Variants in RBKS observed in about 807,000 individuals in gnomAD.
RBKS encodes the protein ribokinase.
In RBKS, 33 loss-of-function variants were observed where a neutral mutation model predicts 33.9. The observed-to-expected ratio is 0.97, with a 90% CI of 0.74 to 1.30. The LOEUF (loss-of-function observed/expected upper bound fraction) is 1.30. Ranked by LOEUF, RBKS falls within the 50% of genes most tolerant of loss-of-function variation. The pLI is 0.00. For missense variants in RBKS, 361 were observed against 392.6 expected, an observed-to-expected ratio of 0.92 and a Z score of 0.68; for synonymous variants, 125 against 143.0, an observed-to-expected ratio of 0.87 and a Z score of 0.90.
chr2:27,796,725 C>A (rs1211645351), intron 7 of RBKS, among the ~76,000 whole-genome samples: 2 of 151,912 alleles, frequency 1.3e-5, no homozygotes, highest in Non-Finnish European at 2.9e-5. Flanking sequence ...GAGCAGCTGG[C>A]GAGATGACCC....
chr2:27,789,547 T>C (rs910220683), intron 7 of RBKS, among the ~76,000 whole-genome samples: 16 of 151,784 alleles, frequency 1.1e-4, no homozygotes, highest in African/African-American at 3.6e-4. Context: ...TATAGATGTG[T>C]GCCACCACAC....
chr2:27,792,933 G>C (rs1677566547), intron 7 of RBKS, among the ~76,000 whole-genome samples: 1 of 152,092 alleles, frequency 6.6e-6, no homozygotes, highest in African/African-American at 2.4e-5. Context: ...TCCTATAAAA[G>C]GTCAGCATTC....
chr2:27,859,821 A>G (rs1190064512), intron 1 of RBKS, among the ~76,000 whole-genome samples: 1 of 152,238 alleles, frequency 6.6e-6, no homozygotes, highest in Non-Finnish European at 1.5e-5. Flanking sequence ...TTTTCCACAT[A>G]GGTTGTGATC....
chr2:27,801,949 G>GAAAAAA (rs1397935633), intron 7 of RBKS, among the ~76,000 whole-genome samples: 1 of 54,752 alleles, frequency 1.8e-5, no homozygotes. Flanking sequence ...GAGTAGCTGG[G>GAAAAAA]GAAAAAAAAA....
intron 1 of RBKS, 44 bp from the exon 2 acceptor site, chr2:27,858,615 G>A: frequency 6.4e-7 from 1 of 1,572,696 alleles, no homozygotes; most frequent in Non-Finnish European, 8.7e-7. Context: ...ATTGGTAACT[G>A]TAATCAATTT....
At chr2:27,825,301 G>A (rs889588463) in intron 7 of RBKS, among the ~76,000 whole-genome samples, 1 of 152,098 alleles carries the variant, frequency 6.6e-6, no homozygotes, top group African/African-American at 2.4e-5. Context: ...TCTAGAATTA[G>A]CATTTACATT....
chr2:27,843,289 C>A, intron 4 of RBKS, 58 bp from the exon 5 acceptor site: 1 of 1,344,366 alleles, frequency 7.4e-7, no homozygotes, highest in Non-Finnish European at 1.0e-6. Flanking sequence ...AAATGATATT[C>A]TGCAGTGTTA....
At chr2:27,822,730 A>C (rs1056083245) in intron 7 of RBKS, among the ~76,000 whole-genome samples, 4 of 149,440 alleles carry the variant, frequency 2.7e-5, no homozygotes, top group Non-Finnish European at 5.9e-5. Context: ...ACACTATAGG[A>C]CTCAAATGTG....
intron 1 of RBKS, among the ~76,000 whole-genome samples, chr2:27,862,274 A>C (rs1255771833): frequency 6.6e-6 from 1 of 152,154 alleles, no homozygotes; most frequent in Non-Finnish European, 1.5e-5. Context: ...AAAAGGAAAA[A>C]GATATAGGTA....
chr2:27,786,439 CTG>C (rs981893843), intron 7 of RBKS, among the ~76,000 whole-genome samples: 6 of 152,190 alleles, frequency 3.9e-5, no homozygotes, highest in African/African-American at 1.4e-4. Context: ...ACCTAACCCT[CTG>C]TTAGCTAGCA....
chr2:27,841,379 T>C (rs1229842930), intron 5 of RBKS, among the ~76,000 whole-genome samples: 1 of 152,190 alleles, frequency 6.6e-6, no homozygotes, highest in Non-Finnish European at 1.5e-5. Context: ...CTTTGATCTA[T>C]ACAAAGAAAG....
chr2:27,887,464 T>C (rs1286084583), intron 1 of RBKS, among the ~76,000 whole-genome samples: 2 of 152,208 alleles, frequency 1.3e-5, no homozygotes, highest in Non-Finnish European at 2.9e-5. Context: ...ATAACTAATA[T>C]AATCATGATA....
At chr2:27,874,434 G>A (rs1349850109) in intron 1 of RBKS, among the ~76,000 whole-genome samples, 1 of 152,182 alleles carries the variant, frequency 6.6e-6, no homozygotes, top group Non-Finnish European at 1.5e-5. Flanking sequence ...CAACTAGGAG[G>A]CAACTGTCCT....
intron 7 of RBKS, among the ~76,000 whole-genome samples, chr2:27,798,162 T>A (rs1459501788): frequency 6.6e-6 from 1 of 152,084 alleles, no homozygotes; most frequent in Non-Finnish European, 1.5e-5. Flanking sequence ...AAGTCCTAGA[T>A]AAACAGACAT....
chr2:27,888,789 T>TAA (rs11298702), intron 1 of RBKS, among the ~76,000 whole-genome samples: 17 of 151,714 alleles, frequency 1.1e-4, no homozygotes, highest in African/African-American at 4.1e-4. Flanking sequence ...AAAATGTTGT[T>TAA]AAAAAAAAAT....
At chr2:27,793,933 T>C (rs141390169) in intron 7 of RBKS, among the ~76,000 whole-genome samples, 66 of 152,306 alleles carry the variant, frequency 4.3e-4, no homozygotes, top group Admixed American at 1.2e-3. Context: ...TTGGGGAAAC[T>C]AGGTGAAGAG....
chr2:27,802,310 G>T (rs529960944), intron 7 of RBKS, among the ~76,000 whole-genome samples: 148 of 151,932 alleles, frequency 9.7e-4, no homozygotes, highest in African/African-American at 3.5e-3. Flanking sequence ...ATTTAGCAGG[G>T]ACAGCATCTC....
intron 7 of RBKS, among the ~76,000 whole-genome samples, chr2:27,794,339 AATAATAAT>A (rs1677597799): frequency 6.8e-6 from 1 of 146,320 alleles, no homozygotes; most frequent in African/African-American, 2.5e-5. Flanking sequence ...TAATAATAAT[AATAATAAT>A]AAAGAAATTT....
At position 27,810,170 on chromosome 2, in the gene RBKS, C is replaced by A. The variant is rs934059475; in HGVS notation, c.795+17397G>T. ...GGTGCACCTGGTATATTTGTCTACA[C>A]AACCCAAATTCGTCATATACTGGCT... On this transcript the variant is annotated intron_variant, in intron 7 of 7. Transcript: ENST00000302188. The surrounding 1 kb of genome is among the most constrained non-coding windows in gnomAD (Gnocchi z 4.4). 2 of 1,203,452 alleles carry A rather than the reference C, an allele frequency of 1.7e-6. No individual in the cohort carries two copies. The highest frequency in any genetic ancestry group is 1.1e-6 in the Non-Finnish European group (1 of 927,566). The allele number at this position is 1,203,452 out of a possible 1,614,324, so 74.5% of individuals were successfully genotyped here. A position where few individuals can be genotyped will look rare whatever the true frequency, so the allele number is the denominator to read the frequency against.
Sources: allele counts gnomAD v4.1 joint callset (sites outside exome capture counted in the v4.1 genomes callset), GRCh38; gene constraint gnomAD v4.1.1; non-coding constraint Gnocchi (gnomAD v3.1); transcripts MANE v1.5; gene names NCBI Gene and HGNC (gene_info 2026-07-23, HGNC 2026-07-21).